The following TNPO1 variants were observed in gnomAD, a reference collection of about 807,000 sequenced individuals.
TNPO1 encodes the protein transportin 1.
In TNPO1, 8 loss-of-function variants were observed where a neutral mutation model predicts 119.5. That is an observed-to-expected ratio of 0.07 (90% confidence interval 0.04 to 0.12). TNPO1 has a LOEUF of 0.12. Among genes scored for constraint, TNPO1 ranks in the 10% least tolerant of loss-of-function variants. The pLI is 1.00. For synonymous variants in TNPO1, 362 were observed against 363.0 expected, an observed-to-expected ratio of 1.00 and a Z score of 0.03; for missense variants, 576 against 1,089.8, an observed-to-expected ratio of 0.53 and a Z score of 6.64.
In TNPO1 at chr5:72,851,276, T is replaced by C. The variant is rs1239576275; in HGVS notation, c.162T>C (p.Phe54=). 3 of 1,602,734 alleles carry C rather than the reference T, an allele frequency of 1.9e-6. No individual in the cohort carries two copies. Among genetic ancestry groups the C allele is most frequent in the African/African-American group, 1.3e-5 (1 of 74,754 alleles). Residue 54 remains phenylalanine (F), a synonymous_variant, in exon 3 of 25, where the codon TTT becomes TTC. Coordinates refer to ENST00000337273, the MANE Select transcript of TNPO1 (RefSeq NM_002270.4). ...AACAACTTAATCAGTATCCAGACTT[T>C]AACAACTACTTGATTTTTGTTCTTA... The part of the protein sequence containing the change: ...KLEQLNQYPD[F]NNYLIFVLTK...
intron 18 of TNPO1, among the ~76,000 whole-genome samples, chr5:72,895,226 G>C (rs1579926795): frequency 6.6e-6 from 1 of 152,214 alleles, no homozygotes; most frequent in Non-Finnish European, 1.5e-5. Context: ...ATGTTCCTCT[G>C]TCCGTTGTAT....
At chr5:72,898,259 A>G (rs1003937474) in intron 20 of TNPO1, among the ~76,000 whole-genome samples, 1 of 152,154 alleles carries the variant, frequency 6.6e-6, no homozygotes, top group African/African-American at 2.4e-5. Flanking sequence ...TTTATTTTTA[A>G]ATGTGAATGC....
chr5:72,857,090 C>T (rs551335598), intron 4 of TNPO1, among the ~76,000 whole-genome samples: 10 of 152,152 alleles, frequency 6.6e-5, no homozygotes, highest in African/African-American at 1.9e-4. Flanking sequence ...GAGGCTGAGG[C>T]GGATGGATCA....
chr5:72,831,164 TATG>T (rs1464609976), intron 1 of TNPO1, among the ~76,000 whole-genome samples: 2 of 152,228 alleles, frequency 1.3e-5, no homozygotes, highest in Non-Finnish European at 2.9e-5. Flanking sequence ...ATATTTTAGT[TATG>T]ATTATTGAGA....
In TNPO1 at chr5:72,832,161, T is replaced by C. The variant is rs547708677; in HGVS notation, c.15+15409T>C. Among the ~76,000 whole-genome samples, 139 of 152,212 alleles carry C rather than the reference T, an allele frequency of 9.1e-4. 2 individuals carry two copies. In the South Asian group the frequency reaches 0.028, roughly 30 times the overall value. ...AATGTATATGGCTCAATATAGATTG[T>C]TGAGTTATTTCTTATAGGTCATACT... is the stretch of plus-strand genomic sequence containing the variant. On this transcript the variant is annotated intron_variant, in intron 1 of 24. Transcript: ENST00000337273.
At chr5:72,856,187 T>C (rs1024148828) in intron 4 of TNPO1, among the ~76,000 whole-genome samples, 6 of 152,162 alleles carry the variant, frequency 3.9e-5, no homozygotes, top group South Asian at 2.1e-4. Flanking sequence ...ACAAGTGATA[T>C]TAATTTGCGG....
intron 9 of TNPO1, among the ~76,000 whole-genome samples, chr5:72,877,980 G>A (rs772925149): frequency 6.6e-6 from 1 of 152,170 alleles, no homozygotes; most frequent in African/African-American, 2.4e-5. Flanking sequence ...CCTATAGTTA[G>A]TGCTTAAAAT....
At chr5:72,844,733 G>A (rs765267753) in intron 1 of TNPO1, among the ~76,000 whole-genome samples, 7 of 152,272 alleles carry the variant, frequency 4.6e-5, no homozygotes, top group Non-Finnish European at 1.0e-4. Flanking sequence ...GGTTTTCACT[G>A]CTACTAAGTG....
chr5:72,872,800 T>G, intron 7 of TNPO1, 80 bp downstream of exon 7: 1 of 746,154 alleles, frequency 1.3e-6, no homozygotes. Context: ...CTGCATGTAG[T>G]TTTGCTTTAA....
At chr5:72,850,788 T>C (rs1745485030) in intron 2 of TNPO1, among the ~76,000 whole-genome samples, 1 of 152,204 alleles carries the variant, frequency 6.6e-6, no homozygotes, top group Non-Finnish European at 1.5e-5. Context: ...AAAGAACAAA[T>C]GAGTCTGAGA....
intron 1 of TNPO1, among the ~76,000 whole-genome samples, chr5:72,841,437 C>T (rs569664336): frequency 3.9e-4 from 59 of 151,782 alleles, no homozygotes; most frequent in African/African-American, 1.4e-3. Context: ...CTTTTTTTTC[C>T]ACCTCCCAGG....
At chr5:72,857,020 G>C (rs1746051258) in intron 4 of TNPO1, among the ~76,000 whole-genome samples, 1 of 152,172 alleles carries the variant, frequency 6.6e-6, no homozygotes, top group African/African-American at 2.4e-5. Context: ...TGAGTCAGAT[G>C]CTTTCATTAA....
chr5:72,889,723 A>C, intron 13 of TNPO1, 63 bp from the exon 14 acceptor site: 6 of 1,491,236 alleles, frequency 4.0e-6, no homozygotes, highest in Non-Finnish European at 5.4e-6. Flanking sequence ...TAAACATTTT[A>C]GCAATTAAGA....
intron 2 of TNPO1, among the ~76,000 whole-genome samples, chr5:72,849,013 G>C (rs1463134669): frequency 6.6e-6 from 1 of 152,174 alleles, no homozygotes; most frequent in Non-Finnish European, 1.5e-5. Context: ...AACTGCAGCT[G>C]TGTGGGTCTT....
intron 1 of TNPO1, among the ~76,000 whole-genome samples, chr5:72,831,517 A>C (rs1330725328): frequency 6.6e-6 from 1 of 151,938 alleles, no homozygotes; most frequent in East Asian, 1.9e-4. Context: ...TAGCATTTAA[A>C]TGTCAACATG....
At chr5:72,874,595 C>T (rs1293277834) in intron 7 of TNPO1, among the ~76,000 whole-genome samples, 2 of 152,224 alleles carry the variant, frequency 1.3e-5, no homozygotes, top group Admixed American at 6.5e-5. Flanking sequence ...ACAGGAACTA[C>T]GTAGTTTTGA....
intron 18 of TNPO1, 105 bp from the exon 19 acceptor site, chr5:72,896,352 CT>C: frequency 3.4e-6 from 2 of 593,336 alleles, no homozygotes; most frequent in South Asian, 7.2e-5. Flanking sequence ...AATGGTGAAA[CT>C]TGTTATTTCT....
At chr5:72,862,452 T>G in intron 5 of TNPO1, 1 of 154,090 alleles carries the variant, frequency 6.5e-6, no homozygotes, top group Non-Finnish European at 1.4e-5. Context: ...CCTCCCAAAG[T>G]AGTGGGGACT....
chr5:72,867,695 G>A (rs1475512935), intron 6 of TNPO1, among the ~76,000 whole-genome samples: 1 of 151,896 alleles, frequency 6.6e-6, no homozygotes, highest in Non-Finnish European at 1.5e-5. Context: ...TTTCTTGATA[G>A]ATAATTTTAT....
Sources: allele counts gnomAD v4.1 joint callset (sites outside exome capture counted in the v4.1 genomes callset), GRCh38; gene constraint gnomAD v4.1.1; transcripts MANE v1.5; gene names NCBI Gene and HGNC (gene_info 2026-07-23, HGNC 2026-07-21).